Variants in SUFU observed in about 807,000 individuals in gnomAD.
SUFU encodes suppressor of fused homolog.
SUFU carries 7 observed loss-of-function variants against 58.9 expected under a neutral mutation model. The ratio of observed to expected loss-of-function variants is 0.12; its 90% CI spans 0.07 to 0.22. The LOEUF (loss-of-function observed/expected upper bound fraction) is 0.22, where lower values mean the gene tolerates loss of function less well. SUFU is among the 10% of genes least tolerant of loss of function. The pLI is 1.00. For missense variants in SUFU, 451 were observed against 641.3 expected (o/e 0.70, Z 3.20); for synonymous variants, 232 against 254.8 (o/e 0.91, Z 0.85).
rs546590260 is a variant in SUFU, at chr10:102,534,724, G to A, written c.318-15246G>A. ...GCAGCTGGCATTCCAAGCATGTGCT[G>A]GAGTTTGGGTGAGTGGTCCTTGGAC... On this transcript the variant is annotated intron_variant, in intron 2 of 11. Transcript: ENST00000369902. 3.0e-4 allele frequency among the ~76,000 whole-genome samples: 46 copies of A among 152,358 alleles called. 1 individual carries two copies. The East Asian group carries it at 8.3e-3, about 27-fold the overall frequency.
In SUFU at chr10:102,630,300, G is replaced by A; in HGVS notation, c.*145G>A. 1.3e-6 allele frequency: 1 copy of A among 760,762 alleles called. No individual in the cohort carries two copies. The highest frequency in any genetic ancestry group is 2.2e-6 in the Non-Finnish European group (1 of 447,930). 47.1% of individuals were successfully genotyped at this position (760,762 alleles called of 1,614,324 possible). ...CAGTGCCACCCCGCAGCCCAGTGGG[G>A]TGCCATGCACAGGCCACAGGCCCTC... On this transcript the variant is annotated 3_prime_UTR_variant, in exon 12 of 12. Coordinates refer to ENST00000369902, the MANE Select transcript of SUFU (RefSeq NM_016169.4).
intron 1 of SUFU, 136 bp from the exon 2 acceptor site, chr10:102,509,033 T>G: frequency 3.4e-6 from 4 of 1,181,990 alleles, no homozygotes; most frequent in Non-Finnish European, 3.8e-6. Flanking sequence ...TCTGGAGAGA[T>G]GTGGCCTCTG....
chr10:102,617,443 T>C lies in SUFU; in HGVS notation c.1296+15T>C. 1 of 1,614,194 alleles carries C rather than the reference T, an allele frequency of 6.2e-7. No individual in the cohort carries two copies. ...CCTGGTTACAAGTGAGAAGGCCCTT[T>C]TTCTTCTCCCTCCTTCCTTTCATAG... On this transcript the variant is annotated intron_variant, in intron 10 of 11. Transcript: ENST00000369902. This position sits in a 1 kb window ranked among gnomAD's most constrained non-coding sequence, Gnocchi z 4.4.
rs2063719767 is a variant in SUFU, at chr10:102,619,302, C to T, written c.1296+1874C>T. 2 of 1,442,180 alleles carry T rather than the reference C, an allele frequency of 1.4e-6. No individual in the cohort carries two copies. Among genetic ancestry groups the T allele is most frequent in the South Asian group, 1.5e-5 (1 of 68,416 alleles). The allele number at this position is 1,442,180 out of a possible 1,614,324, so 89.3% of individuals were successfully genotyped here. A position where few individuals can be genotyped will look rare whatever the true frequency, so the allele number is the denominator to read the frequency against. On this transcript the variant is annotated intron_variant, in intron 10 of 11. Coordinates refer to ENST00000369902, the MANE Select transcript of SUFU (RefSeq NM_016169.4). This position sits in a 1 kb window ranked among gnomAD's most constrained non-coding sequence, Gnocchi z 4.2. Reference sequence around the variant, plus strand: ...CACTCCCAGTGCCACAACCCCCTCACCTCCCTGGCAGCCCCTCAGCGAGCC... The same window carrying T: ...CACTCCCAGTGCCACAACCCCCTCATCTCCCTGGCAGCCCCTCAGCGAGCC...
chr10:102,583,241 G>A (rs1391993318), intron 3 of SUFU, among the ~76,000 whole-genome samples: 1 of 152,196 alleles, frequency 6.6e-6, no homozygotes, highest in Non-Finnish European at 1.5e-5. Flanking sequence ...CTTGTCCACA[G>A]AAGAGCTCAT....
chr10:102,582,449 C>T (rs729025), intron 3 of SUFU, among the ~76,000 whole-genome samples: 22,969 of 151,838 alleles, frequency 0.15, 2,236 homozygotes, highest in East Asian at 0.42. Flanking sequence ...TTATTATATC[C>T]GGGACAGTCC....
intron 8 of SUFU, among the ~76,000 whole-genome samples, chr10:102,601,351 C>T (rs991199147): frequency 1.3e-5 from 2 of 152,086 alleles, no homozygotes; most frequent in Non-Finnish European, 2.9e-5. Context: ...ACTGGGCAGT[C>T]GGGTATTGGT....
intron 3 of SUFU, among the ~76,000 whole-genome samples, chr10:102,586,962 T>C (rs1401137899): frequency 6.6e-6 from 1 of 152,262 alleles, no homozygotes; most frequent in Admixed American, 6.5e-5. Context: ...GCAGTATTTG[T>C]CCTTTTGTGT....
At chr10:102,509,112 T>C in intron 1 of SUFU, 57 bp from the exon 2 acceptor site, 1 of 1,612,160 alleles carries the variant, frequency 6.2e-7, no homozygotes. Context: ...GCGCCTTAGC[T>C]TGACATTGTC....
At chr10:102,571,420 T>G (rs1048404323) in intron 3 of SUFU, among the ~76,000 whole-genome samples, 2 of 152,152 alleles carry the variant, frequency 1.3e-5, no homozygotes, top group Non-Finnish European at 2.9e-5. Flanking sequence ...ATCCCAGCAC[T>G]TTGGGAGGCT....
chr10:102,622,250 C>G (rs1441711151), intron 10 of SUFU, among the ~76,000 whole-genome samples: 2 of 152,238 alleles, frequency 1.3e-5, no homozygotes, highest in African/African-American at 4.8e-5. Flanking sequence ...ACCCCCTTTC[C>G]CTGTGGGCCT....
chr10:102,516,189 G>T (rs1407324179), intron 2 of SUFU, among the ~76,000 whole-genome samples: 1 of 136,020 alleles, frequency 7.4e-6, no homozygotes, highest in East Asian at 2.1e-4. Flanking sequence ...GCAGTGACAC[G>T]ACCTCGACTC....
chr10:102,504,676 A>G (rs2062301680), intron 1 of SUFU, among the ~76,000 whole-genome samples: 2 of 144,068 alleles, frequency 1.4e-5, no homozygotes, highest in East Asian at 2.1e-4. Context: ...GGCGAGGGGA[A>G]GCCAAGCGGG....
chr10:102,525,316 G>A (rs183035101), intron 2 of SUFU, among the ~76,000 whole-genome samples: 2 of 151,922 alleles, frequency 1.3e-5, no homozygotes, highest in Admixed American at 6.6e-5. Flanking sequence ...TGCCATGTTG[G>A]CCAGGCTGGC....
intron 2 of SUFU, among the ~76,000 whole-genome samples, chr10:102,510,410 A>G (rs1288672108): frequency 6.7e-6 from 1 of 149,528 alleles, no homozygotes; most frequent in Non-Finnish European, 1.5e-5. Flanking sequence ...GGGTTTCACC[A>G]TGTTAGCCAG....
chr10:102,540,301 T>C (rs1590008348), intron 2 of SUFU, among the ~76,000 whole-genome samples: 1 of 152,284 alleles, frequency 6.6e-6, no homozygotes, highest in East Asian at 1.9e-4. Context: ...TCTATTTCCA[T>C]ATTGGTTTCT....
chr10:102,509,049 T>C lies in SUFU; in HGVS notation c.183-120T>C, dbSNP rs2062365202. On this transcript the variant is annotated intron_variant, in intron 1 of 11. Transcript: ENST00000369902. Reference sequence around the variant, plus strand: ...CTGGAGAGATGTGGCCTCTGTTTAGTTACCTTTCACCCAGGTTCCTCCAGG... The same window carrying C: ...CTGGAGAGATGTGGCCTCTGTTTAGCTACCTTTCACCCAGGTTCCTCCAGG... 2.9e-6 allele frequency: 4 copies of C among 1,399,084 alleles called. No individual in the cohort carries two copies. In the South Asian group the frequency reaches 4.7e-5, roughly 16 times the overall value. 86.7% of individuals were successfully genotyped at this position (1,399,084 alleles called of 1,614,324 possible).
rs1434519662 is a variant in SUFU at position 102,617,617 on chromosome 10, A to C, written c.1296+189A>C. The C allele has an allele frequency of 2.8e-6, 2 of 708,030 alleles. No homozygotes were observed. Among genetic ancestry groups the C allele is most frequent in the African/African-American group, 3.6e-5 (2 of 55,734 alleles). The allele number at this position is 708,030 out of a possible 1,614,324, so 43.9% of individuals were successfully genotyped here. On this transcript the variant is annotated intron_variant, in intron 10 of 11. Coordinates refer to ENST00000369902, the MANE Select transcript of SUFU (RefSeq NM_016169.4). This position sits in a 1 kb window ranked among gnomAD's most constrained non-coding sequence, Gnocchi z 4.4. ...ATGCTGCTACCCACTCCAGCAGCTTAGGAGCACTTCCTGACCTTCTCCCCC... is the reference window on the plus strand; with the variant it reads ...ATGCTGCTACCCACTCCAGCAGCTTCGGAGCACTTCCTGACCTTCTCCCCC...
At chr10:102,534,890 C>T (rs550658716) in intron 2 of SUFU, among the ~76,000 whole-genome samples, 1 of 152,100 alleles carries the variant, frequency 6.6e-6, no homozygotes, top group Non-Finnish European at 1.5e-5. Context: ...CTGGGCTTGT[C>T]CCTATGCCTG....
Sources: gnomAD v4.1 joint callset for allele counts (sites outside exome capture counted in the v4.1 genomes callset) on GRCh38, gnomAD v4.1.1 for gene constraint, Gnocchi (gnomAD v3.1) non-coding constraint, MANE v1.5 for transcripts, NCBI Gene and HGNC (gene_info 2026-07-23, HGNC 2026-07-21) for gene names.